GLP1R: variants seen among roughly 807,000 people sequenced by gnomAD.
GLP1R encodes the protein glucagon like peptide 1 receptor.
In GLP1R, 32 loss-of-function variants were observed where a neutral mutation model predicts 68.4. The ratio of observed to expected loss-of-function variants is 0.47; its 90% CI spans 0.35 to 0.63. GLP1R has a LOEUF of 0.63. Among genes scored for constraint, GLP1R ranks in the 20% least tolerant of loss-of-function variants. GLP1R has a pLI of 0.00. For synonymous variants in GLP1R, 263 were observed against 244.4 expected, an observed-to-expected ratio of 1.08 and a Z score of -0.71; for missense variants, 502 against 594.9, an observed-to-expected ratio of 0.84 and a Z score of 1.62.
At chr6:39,077,123 C>T (rs548047737) in intron 7 of GLP1R, among the ~76,000 whole-genome samples, 1 of 152,334 alleles carries the variant, frequency 6.6e-6, no homozygotes, top group African/African-American at 2.4e-5. Flanking sequence ...CCTGCAATCT[C>T]GGTTCAACTT....
At chr6:39,083,365 G>A (rs1769059279) in intron 12 of GLP1R, among the ~76,000 whole-genome samples, 1 of 152,238 alleles carries the variant, frequency 6.6e-6, no homozygotes, top group Non-Finnish European at 1.5e-5. Context: ...TAAGGCCTCT[G>A]TCCACAAGAG....
chr6:39,083,927 G>A (rs1769080686), intron 12 of GLP1R, among the ~76,000 whole-genome samples: 1 of 152,178 alleles, frequency 6.6e-6, no homozygotes, highest in South Asian at 2.1e-4. Context: ...GCATTTATGT[G>A]TTCATTCATT....
intron 3 of GLP1R, among the ~76,000 whole-genome samples, chr6:39,058,106 A>G (rs1004280): frequency 0.71 from 108,157 of 152,130 alleles, 38,963 homozygotes; most frequent in East Asian, 0.87. Context: ...AGTGCTGGCC[A>G]GTGTGTGGGG....
chr6:39,072,856 C>T lies in GLP1R; in HGVS notation c.510-6C>T. On this transcript the variant is annotated splice_polypyrimidine_tract_variant and splice_region_variant and intron_variant, in intron 5 of 12. Coordinates refer to ENST00000373256, the MANE Select transcript of GLP1R (RefSeq NM_002062.5). ...TGCCAGGGAAAGGCCCTGCTTTCTCCCTCAGACACCTGCACTGCACCAGGA... is the reference window on the plus strand; with the variant it reads ...TGCCAGGGAAAGGCCCTGCTTTCTCTCTCAGACACCTGCACTGCACCAGGA... 1.2e-6 allele frequency: 2 copies of T among 1,612,744 alleles called. No individual in the cohort carries two copies. Among genetic ancestry groups the T allele is most frequent in the Non-Finnish European group, 1.7e-6 (2 of 1,179,134 alleles).
chr6:39,064,227 A>ACTCTTGAGCTCAGGCAATCCAC (rs1768436477), intron 3 of GLP1R, among the ~76,000 whole-genome samples: 1 of 151,586 alleles, frequency 6.6e-6, no homozygotes, highest in South Asian at 2.1e-4. Context: ...CTGGTCTCGA[A>ACTCTTGAGCTCAGGCAATCCAC]CTCTTGAGCT....
chr6:39,072,790 C>G, intron 5 of GLP1R, 72 bp from the exon 6 acceptor site: 2 of 1,375,518 alleles, frequency 1.5e-6, no homozygotes, highest in South Asian at 2.5e-5. Flanking sequence ...TGTGTGTTAG[C>G]TTGAGAGCCT....
intron 1 of GLP1R, among the ~76,000 whole-genome samples, chr6:39,050,959 C>T (rs937541463): frequency 6.6e-5 from 10 of 152,142 alleles, no homozygotes; most frequent in Admixed American, 5.2e-4. Flanking sequence ...TGTCAGGTCT[C>T]GTGAGGCTGG....
Position 39,087,280 on chromosome 6 carries a change from G to C in GLP1R, c.*1207G>C, listed in dbSNP as rs200549090. The C allele has an allele frequency of 4.6e-5, 7 of 152,230 alleles. No individual in the cohort carries two copies. Among genetic ancestry groups the C allele is most frequent in the Admixed American group, 2.6e-4 (4 of 15,284 alleles). The allele number at this position is 152,230 out of a possible 1,614,324, so 9.4% of individuals were successfully genotyped here. Reference sequence around the variant, plus strand: ...GGTTGTAGTGATGTTGTTTGGGAGAGTGCAGTAGTAATTGATTTGACCCAC... The same window carrying C: ...GGTTGTAGTGATGTTGTTTGGGAGACTGCAGTAGTAATTGATTTGACCCAC... On this transcript the variant is annotated 3_prime_UTR_variant, in exon 13 of 13. Transcript: ENST00000373256.
At chr6:39,055,215 A>G (rs10305427) in intron 1 of GLP1R, among the ~76,000 whole-genome samples, 4 of 152,346 alleles carry the variant, frequency 2.6e-5, no homozygotes, top group African/African-American at 9.6e-5. Flanking sequence ...CTACAAGGCA[A>G]GGGGGCAAGC....
chr6:39,067,538 C>A (rs1329292053), intron 5 of GLP1R, among the ~76,000 whole-genome samples: 1 of 152,170 alleles, frequency 6.6e-6, no homozygotes, highest in Non-Finnish European at 1.5e-5. Flanking sequence ...TAATCCCATT[C>A]GTGAGGGCAG....
chr6:39,051,196 G>T (rs547898922), intron 1 of GLP1R, among the ~76,000 whole-genome samples: 1 of 152,312 alleles, frequency 6.6e-6, no homozygotes, highest in South Asian at 2.1e-4. Context: ...ATTAGCTGGT[G>T]ATCTGGAGTT....
At position 39,079,423 on chromosome 6, in the gene GLP1R, C is replaced by T. The variant is rs1583647948; in HGVS notation, c.1044-141C>T. 2 of 926,804 alleles carry T rather than the reference C, an allele frequency of 2.2e-6. No homozygotes were observed. The highest frequency in any genetic ancestry group is 3.2e-6 in the Non-Finnish European group (2 of 619,782). 57.4% of individuals were successfully genotyped at this position (926,804 alleles called of 1,614,324 possible). A position where few individuals can be genotyped will look rare whatever the true frequency, so the allele number is the denominator to read the frequency against. On this transcript the variant is annotated intron_variant, in intron 10 of 12. Transcript: ENST00000373256. The surrounding 1 kb of genome is among the most constrained non-coding windows in gnomAD (Gnocchi z 4.5). Reference sequence around the variant, plus strand: ...ACCTCTATTCTTTCCCTCCAGGCAGCCTGTCCCAGGGTATTTGGGGTGGGA... The same window carrying T: ...ACCTCTATTCTTTCCCTCCAGGCAGTCTGTCCCAGGGTATTTGGGGTGGGA...
intron 12 of GLP1R, among the ~76,000 whole-genome samples, chr6:39,081,804 G>T (rs1056202384): frequency 1.3e-5 from 2 of 152,192 alleles, no homozygotes; most frequent in Admixed American, 1.3e-4. Flanking sequence ...TGAGCTGTGT[G>T]ACTTTGCCTA....
At chr6:39,062,364 C>T (rs1031957540) in intron 3 of GLP1R, among the ~76,000 whole-genome samples, 2 of 152,254 alleles carry the variant, frequency 1.3e-5, no homozygotes, top group Non-Finnish European at 2.9e-5. Flanking sequence ...ACCCCACCTC[C>T]AGCCAAGGTG....
At position 39,090,500 on chromosome 6, in the gene GLP1R, T is replaced by A. The variant is rs1170435628; in HGVS notation, c.*4427T>A. The stretch of plus-strand genomic sequence containing the variant: ...CAGGAATAGGTGACCCTGCTGGCCA[T>A]ACTGTGAATGCTGTTCTTTCAGCTG... On this transcript the variant is annotated 3_prime_UTR_variant, in exon 13 of 13. Coordinates refer to ENST00000373256, the MANE Select transcript of GLP1R (RefSeq NM_002062.5). Among the ~76,000 whole-genome samples, 2 of 152,166 alleles carry A rather than the reference T, an allele frequency of 1.3e-5. No individual in the cohort carries two copies. Among genetic ancestry groups the A allele is most frequent in the African/African-American group, 4.8e-5 (2 of 41,442 alleles).
intron 12 of GLP1R, among the ~76,000 whole-genome samples, chr6:39,082,543 G>A (rs575729748): frequency 6.6e-6 from 1 of 152,282 alleles, no homozygotes; most frequent in Non-Finnish European, 1.5e-5. Context: ...GGTAGGGCAG[G>A]GAACAGGCTC....
chr6:39,055,319 A>G (rs1354367777), intron 1 of GLP1R, among the ~76,000 whole-genome samples: 1 of 152,254 alleles, frequency 6.6e-6, no homozygotes, highest in Non-Finnish European at 1.5e-5. Flanking sequence ...TGGGTCCTAC[A>G]TTTTATACAT....
chr6:39,076,215 C>T (rs962647400), intron 7 of GLP1R, among the ~76,000 whole-genome samples: 8 of 152,148 alleles, frequency 5.3e-5, no homozygotes, highest in Admixed American at 3.3e-4. Flanking sequence ...TTCAGGAAAT[C>T]GGCATGCTCT....
In GLP1R at chr6:39,064,002, T is replaced by C. The variant is rs1768429630; in HGVS notation, c.284-1709T>C. Among the ~76,000 whole-genome samples, 10 of 70,388 alleles carry C rather than the reference T, an allele frequency of 1.4e-4. No homozygotes were observed. The South Asian group carries it at 3.8e-3, about 26-fold the overall frequency. The allele number at this position is 70,388 out of a possible 152,430, so 46.2% of individuals were successfully genotyped here. On this transcript the variant is annotated intron_variant, in intron 3 of 12. Transcript: ENST00000373256. ...GCCTCTTCTCAGGAGACTCAGTTCT[T>C]TTTTTTTTTTTTTTTTTGAGGCAGA...
Sources: gnomAD v4.1 joint callset for allele counts (sites outside exome capture counted in the v4.1 genomes callset) on GRCh38, gnomAD v4.1.1 for gene constraint, Gnocchi (gnomAD v3.1) non-coding constraint, MANE v1.5 for transcripts, NCBI Gene and HGNC (gene_info 2026-07-23, HGNC 2026-07-21) for gene names.